AMPH: variants seen among roughly 807,000 people sequenced by gnomAD.
AMPH encodes amphiphysin (Stiff-Mann syndrome with breast cancer 128kD autoantigen).
AMPH carries 49 observed loss-of-function variants against 99.1 expected under a neutral mutation model. The observed-to-expected ratio is 0.49, with a 90% CI of 0.39 to 0.63. The LOEUF is 0.63. Among genes scored for constraint, AMPH ranks in the 20% least tolerant of loss-of-function variants. The pLI is 0.00. For synonymous variants in AMPH, 314 were observed against 317.3 expected (o/e 0.99, Z 0.11); for missense variants, 759 against 863.4 (o/e 0.88, Z 1.52).
At chr7:38,418,116 G>A (rs1785451400) in intron 16 of AMPH, 166 bp from the exon 17 acceptor site, 4 of 604,986 alleles carry the variant, frequency 6.6e-6, no homozygotes, top group Non-Finnish European at 1.1e-5. Context: ...GGCTTTTAGA[G>A]AATGGAAAAG....
intron 2 of AMPH, among the ~76,000 whole-genome samples, chr7:38,520,216 A>AG (rs1193870680): frequency 6.6e-6 from 1 of 152,172 alleles, no homozygotes; most frequent in Non-Finnish European, 1.5e-5. Flanking sequence ...ATCAAAAAAA[A>AG]TGTATTCATC....
intron 1 of AMPH, among the ~76,000 whole-genome samples, chr7:38,615,057 C>T (rs1012631997): frequency 6.6e-6 from 1 of 152,200 alleles, no homozygotes; most frequent in African/African-American, 2.4e-5. Flanking sequence ...ACCTGACATT[C>T]TCTCAACTCA....
intron 7 of AMPH, among the ~76,000 whole-genome samples, chr7:38,470,105 T>C (rs898415820): frequency 1.3e-5 from 2 of 152,182 alleles, no homozygotes; most frequent in Non-Finnish European, 2.9e-5. Flanking sequence ...TGGTCAGTCC[T>C]ATCAACACCC....
At chr7:38,420,360 T>G (rs1406754757) in intron 16 of AMPH, among the ~76,000 whole-genome samples, 2 of 152,218 alleles carry the variant, frequency 1.3e-5, no homozygotes, top group African/African-American at 4.8e-5. Context: ...GTGGGAATTG[T>G]GCCCTACCTT....
intron 8 of AMPH, 115 bp from the exon 9 acceptor site, chr7:38,465,664 T>G (rs1450821146): frequency 4.5e-6 from 4 of 879,170 alleles, no homozygotes; most frequent in Non-Finnish European, 5.3e-6. Context: ...TATGATAGCT[T>G]GGATGGCCTC....
chr7:38,579,748 G>C (rs6948732), intron 1 of AMPH, among the ~76,000 whole-genome samples: 2 of 152,076 alleles, frequency 1.3e-5, no homozygotes, highest in African/African-American at 4.8e-5. Flanking sequence ...AATAATCAAA[G>C]TTGATCATGG....
intron 2 of AMPH, 35 bp from the exon 3 acceptor site, chr7:38,503,739 T>C (rs1789230446): frequency 6.2e-7 from 1 of 1,602,198 alleles, no homozygotes; most frequent in Non-Finnish European, 8.6e-7. Flanking sequence ...AAATATCTAG[T>C]CTATATTCTG....
intron 12 of AMPH, among the ~76,000 whole-genome samples, chr7:38,434,703 C>T (rs1786190198): frequency 6.7e-6 from 1 of 150,154 alleles, no homozygotes. Flanking sequence ...CGCACCACTG[C>T]ACTCCAGCCT....
intron 2 of AMPH, among the ~76,000 whole-genome samples, chr7:38,509,415 C>T (rs938743299): frequency 3.9e-5 from 6 of 152,178 alleles, no homozygotes; most frequent in Non-Finnish European, 8.8e-5. Context: ...TACTTTCTAG[C>T]TTCAACAAAA....
intron 11 of AMPH, among the ~76,000 whole-genome samples, chr7:38,447,579 T>C (rs573772194): frequency 2.0e-5 from 3 of 152,138 alleles, no homozygotes; most frequent in African/African-American, 7.2e-5. Context: ...AAGTATTTGA[T>C]TGACCCAGAA....
intron 2 of AMPH, among the ~76,000 whole-genome samples, chr7:38,510,737 G>GT (rs1223189759): frequency 6.6e-6 from 1 of 152,096 alleles, no homozygotes; most frequent in African/African-American, 2.4e-5. Flanking sequence ...TCCCACCTCT[G>GT]TGCCCCAGGC....
chr7:38,596,501 A>G (rs7805224), intron 1 of AMPH, among the ~76,000 whole-genome samples: 42,144 of 152,028 alleles, frequency 0.28, 6,064 homozygotes, highest in Admixed American at 0.34. Flanking sequence ...GAGAGGGCAG[A>G]GTGGATTATT....
intron 1 of AMPH, among the ~76,000 whole-genome samples, chr7:38,568,816 C>A (rs1330360323): frequency 6.6e-6 from 1 of 152,024 alleles, no homozygotes; most frequent in African/African-American, 2.4e-5. Flanking sequence ...GCAGGAGGGA[C>A]CAATGGAAGG....
At chr7:38,491,837 C>A (rs1397256532) in intron 4 of AMPH, among the ~76,000 whole-genome samples, 7 of 152,188 alleles carry the variant, frequency 4.6e-5, no homozygotes. Context: ...AGATTTGTCT[C>A]CTTGAACTCA....
chr7:38,442,665 T>C (rs1786598899), intron 11 of AMPH, among the ~76,000 whole-genome samples: 1 of 151,944 alleles, frequency 6.6e-6, no homozygotes, highest in African/African-American at 2.4e-5. Context: ...ATGAAAACAA[T>C]ATATCAAAAT....
At chr7:38,535,198 A>AT (rs1325922612) in intron 1 of AMPH, among the ~76,000 whole-genome samples, 187 bp from the exon 2 acceptor site, 1 of 151,870 alleles carries the variant, frequency 6.6e-6, no homozygotes, top group Admixed American at 6.6e-5. Context: ...AAAAAAAAAA[A>AT]CTGAATCCCA....
At chr7:38,573,643 C>G (rs531805423) in intron 1 of AMPH, among the ~76,000 whole-genome samples, 5 of 152,298 alleles carry the variant, frequency 3.3e-5, no homozygotes, top group African/African-American at 1.2e-4. Flanking sequence ...AATCTATCAG[C>G]CCTCTGTGGT....
chr7:38,601,072 C>G (rs1793229520), intron 1 of AMPH, among the ~76,000 whole-genome samples: 1 of 152,220 alleles, frequency 6.6e-6, no homozygotes, highest in Non-Finnish European at 1.5e-5. Flanking sequence ...TCCAGTGGAT[C>G]TCCTCTCCTG....
At chr7:38,486,071 T>A (rs1788480212) in intron 5 of AMPH, among the ~76,000 whole-genome samples, 1 of 149,330 alleles carries the variant, frequency 6.7e-6, no homozygotes, top group Admixed American at 6.7e-5. Context: ...AACCCCAAAT[T>A]GGCAAAAGAA....
Sources: gnomAD v4.1 joint callset for allele counts (sites outside exome capture counted in the v4.1 genomes callset) on GRCh38, gnomAD v4.1.1 for gene constraint, MANE v1.5 for transcripts, NCBI Gene and HGNC (gene_info 2026-07-23, HGNC 2026-07-21) for gene names.